Variants in CHODL observed in about 807,000 individuals in gnomAD.
The protein encoded by CHODL is transmembrane protein MT75.
In CHODL, 29 loss-of-function variants were observed where a neutral mutation model predicts 34.5. That is an observed-to-expected ratio of 0.84 (90% CI 0.63 to 1.15). The LOEUF (loss-of-function observed/expected upper bound fraction) is 1.15. CHODL is among the 50% of genes most tolerant of loss of function. The pLI is 0.00. For missense variants in CHODL, 332 were observed against 332.5 expected (o/e 1.00, Z 0.01); for synonymous variants, 125 against 116.1 (o/e 1.08, Z -0.49).
chr21:18,044,407 C>T (rs764686319), intron 2 of CHODL, among the ~76,000 whole-genome samples: 9 of 151,904 alleles, frequency 5.9e-5, no homozygotes, highest in Non-Finnish European at 8.8e-5. Context: ...AACACCACAT[C>T]GTTGAGACTG....
chr21:18,201,345 C>T (rs944849077), intron 2 of CHODL, among the ~76,000 whole-genome samples: 1 of 151,766 alleles, frequency 6.6e-6, no homozygotes, highest in Non-Finnish European at 1.5e-5. Context: ...TTAATAAACT[C>T]TTATATGGTA....
At chr21:18,191,558 C>T (rs191670189) in intron 2 of CHODL, among the ~76,000 whole-genome samples, 179 of 152,190 alleles carry the variant, frequency 1.2e-3, no homozygotes, top group African/African-American at 3.9e-3. Context: ...AATGTTGCTG[C>T]GTATCTTTTT....
At chr21:18,211,497 G>A (rs905882980) in intron 2 of CHODL, among the ~76,000 whole-genome samples, 1 of 152,208 alleles carries the variant, frequency 6.6e-6, no homozygotes, top group Non-Finnish European at 1.5e-5. Context: ...AACAGGTCAG[G>A]AAGAGGTTTG....
intron 2 of CHODL, among the ~76,000 whole-genome samples, chr21:18,216,100 T>G (rs2073825296): frequency 6.6e-6 from 1 of 152,166 alleles, no homozygotes; most frequent in African/African-American, 2.4e-5. Context: ...ATGTTCCCTT[T>G]TCTTATTTCC....
chr21:18,200,266 A>G (rs543080733), intron 2 of CHODL, among the ~76,000 whole-genome samples: 3 of 152,314 alleles, frequency 2.0e-5, no homozygotes, highest in African/African-American at 4.8e-5. Context: ...AAAATTGTAG[A>G]CATAGTTATA....
rs544744694 is a variant in CHODL at position 17,969,042 on chromosome 21, TTTA to T, written c.-145+51648_-145+51650del. ...CTTAAGTTCCTTTTAAGAATATCAA[TTTA>T]TTATTTTACTCAACATGACTAAATG... On this transcript the variant is annotated intron_variant, in intron 1 of 6. Coordinates refer to the CHODL transcript ENST00000400127. 7.9e-5 allele frequency among the ~76,000 whole-genome samples: 12 copies of T among 152,358 alleles called. No homozygotes were observed. In the East Asian group the frequency reaches 1.7e-3, roughly 22 times the overall value.
Position 18,155,145 on chromosome 21 carries a change from T to TC in CHODL, c.-44-101363dup, listed in dbSNP as rs559241882. Among the ~76,000 whole-genome samples the TC allele has an allele frequency of 9.2e-5, 14 of 152,306 alleles. No homozygotes were observed. In the South Asian group the frequency reaches 2.7e-3, roughly 29 times the overall value. On this transcript the variant is annotated intron_variant, in intron 2 of 6. Transcript: ENST00000400127. ...GTTAGTACTAGAGGTGACTATTTTT[T>TC]CATATCTTTGTTTCCCATCATAATT...
intron 2 of CHODL, among the ~76,000 whole-genome samples, chr21:18,139,327 G>C (rs559537107): frequency 6.6e-6 from 1 of 152,158 alleles, no homozygotes; most frequent in South Asian, 2.1e-4. Context: ...AGAACCCATT[G>C]GAGGTAAAAT....
chr21:17,968,381 A>G (rs2063589115), intron 1 of CHODL, among the ~76,000 whole-genome samples: 1 of 151,400 alleles, frequency 6.6e-6, no homozygotes, highest in South Asian at 2.1e-4. Flanking sequence ...GAAATACAAC[A>G]CATAGTATTT....
intron 1 of CHODL, among the ~76,000 whole-genome samples, chr21:17,971,129 A>G (rs542464075): frequency 6.6e-6 from 1 of 152,184 alleles, no homozygotes; most frequent in Non-Finnish European, 1.5e-5. Context: ...TATCCAGTCT[A>G]TCACTGATGG....
chr21:18,062,739 C>G (rs181566920), intron 2 of CHODL, among the ~76,000 whole-genome samples: 1 of 152,054 alleles, frequency 6.6e-6, no homozygotes, highest in South Asian at 2.1e-4. Flanking sequence ...TCTCTCCAGC[C>G]TGGGAAACAG....
chr21:18,165,536 G>T (rs949963640), intron 2 of CHODL, among the ~76,000 whole-genome samples: 7 of 152,148 alleles, frequency 4.6e-5, no homozygotes, highest in African/African-American at 1.7e-4. Context: ...GATCATCTCT[G>T]CTCTGCTCAG....
intron 2 of CHODL, among the ~76,000 whole-genome samples, chr21:18,211,309 A>G (rs937335426): frequency 6.6e-6 from 1 of 152,138 alleles, no homozygotes; most frequent in Admixed American, 6.5e-5. Flanking sequence ...TCTAGAAGGC[A>G]GGGATTTTCT....
chr21:18,078,490 C>A (rs1301145330), intron 2 of CHODL, among the ~76,000 whole-genome samples: 2 of 152,126 alleles, frequency 1.3e-5, no homozygotes, highest in Admixed American at 6.5e-5. Context: ...ACAGCTAAAC[C>A]ATGTCAAATG....
At chr21:17,920,833 A>G (rs960987448) in intron 1 of CHODL, among the ~76,000 whole-genome samples, 23 of 152,236 alleles carry the variant, frequency 1.5e-4, no homozygotes, top group African/African-American at 5.5e-4. Flanking sequence ...TGAAGAACTG[A>G]CAGCTTGAGA....
At chr21:17,958,977 G>T (rs1197937039) in intron 1 of CHODL, among the ~76,000 whole-genome samples, 5 of 151,920 alleles carry the variant, frequency 3.3e-5, no homozygotes, top group African/African-American at 1.2e-4. Flanking sequence ...CTCTCCTTAG[G>T]TTTCTTCAGC....
In CHODL at chr21:18,186,411, A is replaced by G. The variant is rs945519361; in HGVS notation, c.-44-70098A>G. Among the ~76,000 whole-genome samples the G allele has an allele frequency of 3.7e-5, 5 of 134,108 alleles. No homozygotes were observed. The South Asian group carries it at 1.1e-3, about 30-fold the overall frequency. The allele number at this position is 134,108 out of a possible 152,430, so 88.0% of individuals were successfully genotyped here. A position where few individuals can be genotyped will look rare whatever the true frequency, so the allele number is the denominator to read the frequency against. On this transcript the variant is annotated intron_variant, in intron 2 of 6. Coordinates refer to the CHODL transcript ENST00000400127. ...GGAAGAAAAGTTAAAAAAAAAAATT[A>G]AAAAAAAAAAGTCATGTTCACTGCT...
At chr21:18,015,199 A>T (rs1019813553) in intron 1 of CHODL, among the ~76,000 whole-genome samples, 1 of 152,046 alleles carries the variant, frequency 6.6e-6, no homozygotes, top group Non-Finnish European at 1.5e-5. Flanking sequence ...GTCTGATGGG[A>T]GGTGATTGGA....
At chr21:17,921,571 T>C (rs1300891119) in intron 1 of CHODL, among the ~76,000 whole-genome samples, 1 of 152,190 alleles carries the variant, frequency 6.6e-6, no homozygotes, top group Non-Finnish European at 1.5e-5. Context: ...AGGAAGCAAG[T>C]CCTTAAAAGA....
Sources: allele counts gnomAD v4.1 joint callset (sites outside exome capture counted in the v4.1 genomes callset), GRCh38; gene constraint gnomAD v4.1.1; transcripts MANE v1.5; gene names NCBI Gene and HGNC (gene_info 2026-07-23, HGNC 2026-07-21).